Variants in CELF2 observed in about 807,000 individuals in gnomAD.
The protein encoded by CELF2 is CUG triplet repeat RNA-binding protein 2.
Under a neutral mutation model 62.6 loss-of-function variants are expected in CELF2, and 8 were observed. That is an observed-to-expected ratio of 0.13 (90% CI 0.07 to 0.23). CELF2 has a LOEUF of 0.23. CELF2 is among the 10% of genes least tolerant of loss of function. The probability of loss-of-function intolerance (pLI) is 1.00; values close to 1 mark genes in which losing one functional copy is unlikely to be tolerated. For synonymous variants in CELF2, 258 were observed against 250.0 expected (o/e 1.03, Z -0.30); for missense variants, 333 against 671.0 (o/e 0.50, Z 5.56).
At chr10:11,027,606 T>G (rs1358886545) in intron 1 of CELF2, among the ~76,000 whole-genome samples, 1 of 152,240 alleles carries the variant, frequency 6.6e-6, no homozygotes, top group East Asian at 1.9e-4. Context: ...TTTTTAATTT[T>G]TCATGGAAGT....
intron 1 of CELF2, among the ~76,000 whole-genome samples, chr10:10,874,690 G>A (rs796175874): frequency 7.9e-5 from 12 of 152,242 alleles, no homozygotes; most frequent in African/African-American, 2.2e-4. Context: ...ATGGGAAGTC[G>A]TGAAATTCCT....
intron 1 of CELF2, among the ~76,000 whole-genome samples, chr10:10,833,861 G>C (rs1008292091): frequency 4.6e-5 from 7 of 152,222 alleles, no homozygotes; most frequent in Non-Finnish European, 7.3e-5. Flanking sequence ...TACCCTGTTG[G>C]TGGAAGTATA....
At chr10:10,539,324 A>T in the CELF2 span, among the ~76,000 whole-genome samples, 1 of 152,198 alleles carries the variant, frequency 6.6e-6, no homozygotes, top group East Asian at 1.9e-4. Context: ...ACCATTAGAG[A>T]AAACTGTTTT....
chr10:10,571,646 G>A, the CELF2 span, among the ~76,000 whole-genome samples: 1 of 152,112 alleles, frequency 6.6e-6, no homozygotes, highest in Non-Finnish European at 1.5e-5. Context: ...GACTGGGAGG[G>A]TACATGGGGC....
the CELF2 span, among the ~76,000 whole-genome samples, chr10:10,560,563 G>T: frequency 6.6e-6 from 1 of 152,098 alleles, no homozygotes; most frequent in Non-Finnish European, 1.5e-5. Flanking sequence ...CTTTTACACT[G>T]CTGGTGTGAA....
intron 8 of CELF2, among the ~76,000 whole-genome samples, chr10:11,275,601 A>G (rs1481582860): frequency 1.3e-5 from 2 of 152,234 alleles, no homozygotes; most frequent in Non-Finnish European, 2.9e-5. Flanking sequence ...TGATAACGAC[A>G]GACAATTAAC....
intron 1 of CELF2, among the ~76,000 whole-genome samples, chr10:10,841,330 C>A (rs1352714865): frequency 7.7e-6 from 1 of 130,702 alleles, no homozygotes; most frequent in Non-Finnish European, 1.6e-5. Flanking sequence ...ATATATTGTG[C>A]ATTTGATATA....
chr10:11,201,924 C>G (rs1168851029), intron 2 of CELF2, among the ~76,000 whole-genome samples: 1 of 151,696 alleles, frequency 6.6e-6, no homozygotes, highest in Non-Finnish European at 1.5e-5. Flanking sequence ...TGCTGAGAAT[C>G]CTGTGTTGTA....
In CELF2 at chr10:11,242,236, A is replaced by G. The variant is rs2074146846; in HGVS notation, c.355-6917A>G. 6.6e-6 allele frequency among the ~76,000 whole-genome samples: 1 copy of G among 152,220 alleles called. No individual in the cohort carries two copies. The highest frequency in any genetic ancestry group is 1.5e-5 in the Non-Finnish European group (1 of 68,034). ...TGTAAAAACCCATTTCAGGTTAAAA[A>G]TGGCATGTTTTATTGAATCTCATGT... On this transcript the variant is annotated intron_variant, in intron 3 of 12. Coordinates refer to ENST00000633077, the MANE Select transcript of CELF2 (RefSeq NM_001326342.2). This position sits in a 1 kb window ranked among gnomAD's most constrained non-coding sequence, Gnocchi z 4.8.
chr10:10,589,455 C>T, the CELF2 span, among the ~76,000 whole-genome samples: 1 of 152,228 alleles, frequency 6.6e-6, no homozygotes, highest in Non-Finnish European at 1.5e-5. Flanking sequence ...TTCAGGTTAA[C>T]TTTGGAATGC....
the CELF2 span, among the ~76,000 whole-genome samples, chr10:10,518,482 C>T: frequency 6.6e-6 from 1 of 152,164 alleles, no homozygotes; most frequent in African/African-American, 2.4e-5. Context: ...CTGGGTTCCT[C>T]ATGGAGAGTG....
rs796087057 is a variant in CELF2 at position 11,054,400 on chromosome 10, GA to G, written c.74+36238del. Among the ~76,000 whole-genome samples, 37 of 152,028 alleles carry G rather than the reference GA, an allele frequency of 2.4e-4. 1 individual carries two copies. Among genetic ancestry groups the G allele is most frequent in the African/African-American group, 8.9e-4 (37 of 41,460 alleles). ...TGGAGGAACATATGTAAGGTGCTAAGATTTTATTTTGGCAAGGATATTTTTA... is the reference window on the plus strand; with the variant it reads ...TGGAGGAACATATGTAAGGTGCTAAGTTTTATTTTGGCAAGGATATTTTTA... On this transcript the variant is annotated intron_variant, in intron 1 of 12. Transcript: ENST00000633077.
the CELF2 span, among the ~76,000 whole-genome samples, chr10:10,565,867 T>C: frequency 6.6e-6 from 1 of 152,238 alleles, no homozygotes. Flanking sequence ...TCCTTAATGA[T>C]GTATGATACC....
At chr10:11,118,373 C>T (rs1054944312) in intron 1 of CELF2, among the ~76,000 whole-genome samples, 1 of 151,970 alleles carries the variant, frequency 6.6e-6, no homozygotes, top group South Asian at 2.1e-4. Context: ...TTTTGTGTTG[C>T]CCAGGCTGGT....
intron 1 of CELF2, among the ~76,000 whole-genome samples, chr10:11,111,213 A>T (rs968345263): frequency 6.6e-6 from 1 of 152,208 alleles, no homozygotes; most frequent in Non-Finnish European, 1.5e-5. Flanking sequence ...TCTTCTTCCC[A>T]CTGCCTGGTT....
At chr10:11,282,515 G>A (rs561091847) in intron 8 of CELF2, among the ~76,000 whole-genome samples, 4 of 152,206 alleles carry the variant, frequency 2.6e-5, no homozygotes, top group Non-Finnish European at 5.9e-5. Context: ...TGCCTGGCAC[G>A]CGCTTTGTTC....
chr10:11,179,511 A>C (rs1197765031), intron 2 of CELF2, among the ~76,000 whole-genome samples: 2 of 152,142 alleles, frequency 1.3e-5, no homozygotes. Flanking sequence ...AGTAAATGCT[A>C]CCTCTCTCTG....
At chr10:11,234,598 C>T (rs997802089) in intron 3 of CELF2, among the ~76,000 whole-genome samples, 6 of 56,492 alleles carry the variant, frequency 1.1e-4, no homozygotes, top group East Asian at 3.7e-4. Flanking sequence ...AGGAGAATGG[C>T]GTGAACCCGG....
chr10:10,763,526 A>C, the CELF2 span, among the ~76,000 whole-genome samples: 2 of 152,222 alleles, frequency 1.3e-5, no homozygotes, highest in East Asian at 3.8e-4. Context: ...TACCTTCCGC[A>C]GAGCTGCCCT....
Sources: gnomAD v4.1 joint callset for allele counts (sites outside exome capture counted in the v4.1 genomes callset) on GRCh38, gnomAD v4.1.1 for gene constraint, Gnocchi (gnomAD v3.1) non-coding constraint, MANE v1.5 for transcripts, NCBI Gene and HGNC (gene_info 2026-07-23, HGNC 2026-07-21) for gene names.